BLM: variants seen among roughly 807,000 people sequenced by gnomAD.
BLM encodes BLM RecQ like helicase.
In BLM, 95 loss-of-function variants were observed where a neutral mutation model predicts 135.3. That is an observed-to-expected ratio of 0.70 (90% confidence interval 0.59 to 0.83). The LOEUF is 0.83. Among genes scored for constraint, BLM ranks in the 40% least tolerant of loss-of-function variants. The pLI is 0.00. For synonymous variants in BLM, 520 were observed against 589.2 expected, an observed-to-expected ratio of 0.88 and a Z score of 1.70; for missense variants, 1,518 against 1,663.9, an observed-to-expected ratio of 0.91 and a Z score of 1.53.
rs1038386076 is a variant in BLM at position 90,749,603 on chromosome 15, T to C, written c.335T>C (p.Leu112Ser). The change falls in exon 3 of 22, where the codon TTG becomes TCG. Residue 112 changes from leucine (L) to serine (S), a missense_variant. This residue lies in a region of BLM where 724 missense variants were observed against 756.9 expected (regional missense o/e 0.96). Transcript: ENST00000355112. ...TCAAAATCATTATTGCCAGATTTCT[T>C]GCAGACTCCGAAGGAAGTTGTATGC... ...GGSKSLLPDF[L>S]QTPKEVVCTT... 2 of 1,614,188 alleles carry C rather than the reference T, an allele frequency of 1.2e-6. No individual in the cohort carries two copies. The highest frequency in any genetic ancestry group is 3.3e-5 in the Admixed American group (2 of 60,026).
chr15:90,749,810 G>T lies in BLM; in HGVS notation c.542G>T (p.Ser181Ile), dbSNP rs587779893. The T allele has an allele frequency of 7.1e-5, 114 of 1,602,790 alleles. No homozygotes were observed. Among genetic ancestry groups the T allele is most frequent in the Non-Finnish European group, 9.4e-5 (111 of 1,174,960 alleles). The change falls in exon 3 of 22, where the codon AGC (serine) becomes ATC (isoleucine). Residue 181 changes from serine to isoleucine, a missense_variant. Physicochemically the swap from Ser to Ile is moderately radical, Grantham distance 142. Transcript: ENST00000355112. Reference protein sequence around the residue: ...TPPQSHFVRVSTAQKSKKGKR... With the variant: ...TPPQSHFVRVITAQKSKKGKR... The stretch of plus-strand genomic sequence containing the variant: ...CCCCAAAGTCACTTTGTAAGAGTAA[G>T]CACTGCTCAGAAATCAAAAAAGGGT...
At position 90,803,182 on chromosome 15, in the gene BLM, G is replaced by A. The variant is rs935852397; in HGVS notation, c.3359-339G>A. Among the ~76,000 whole-genome samples the A allele has an allele frequency of 2.7e-5, 4 of 148,516 alleles. No individual in the cohort carries two copies. In the South Asian group the frequency reaches 8.5e-4, roughly 32 times the overall value. ...TGTCTCTAAAAAAAAAAAAAAAAAT[G>A]TAGATAAGTAATGCACAGTTATCCT... On this transcript the variant is annotated intron_variant, in intron 17 of 21. Transcript: ENST00000355112.
chr15:90,778,164 C>A (rs763949382), intron 12 of BLM, among the ~76,000 whole-genome samples: 9 of 152,104 alleles, frequency 5.9e-5, no homozygotes, highest in Admixed American at 2.0e-4. Context: ...ACCCACAGTC[C>A]TTTTGCAGTA....
chr15:90,782,715 C>T, intron 12 of BLM, 107 bp from the exon 13 acceptor site: 3 of 822,150 alleles, frequency 3.6e-6, no homozygotes, highest in Middle Eastern at 6.8e-4. Context: ...CTCCTAATAC[C>T]ATCACACTGG....
intron 1 of BLM, among the ~76,000 whole-genome samples, chr15:90,718,619 T>C (rs1669088107): frequency 6.6e-6 from 1 of 152,242 alleles, no homozygotes; most frequent in South Asian, 2.1e-4. Context: ...GCTTATACTG[T>C]CAGACAGTAG....
At chr15:90,753,871 G>A (rs1480293389) in intron 4 of BLM, among the ~76,000 whole-genome samples, 1 of 152,122 alleles carries the variant, frequency 6.6e-6, no homozygotes, top group Non-Finnish European at 1.5e-5. Flanking sequence ...CAATAACCCA[G>A]TGGTTTTAAT....
chr15:90,801,023 C>T (rs1897153182), intron 17 of BLM, among the ~76,000 whole-genome samples: 1 of 152,062 alleles, frequency 6.6e-6, no homozygotes, highest in Non-Finnish European at 1.5e-5. Context: ...ATGTTGTGCA[C>T]CTGTAATCCC....
intron 12 of BLM, among the ~76,000 whole-genome samples, chr15:90,775,072 G>A (rs1896437731): frequency 6.6e-6 from 1 of 152,208 alleles, no homozygotes; most frequent in Admixed American, 6.5e-5. Context: ...CAGAAAGTTA[G>A]AGGTAGAGCA....
At chr15:90,750,132 G>A in intron 3 of BLM, 65 bp downstream of exon 3, 1 of 1,523,304 alleles carries the variant, frequency 6.6e-7, no homozygotes, top group Non-Finnish European at 9.0e-7. Context: ...GCTAGCCATT[G>A]GGAATAGTCA....
At chr15:90,750,922 G>GT (rs1468279596) in intron 3 of BLM, among the ~76,000 whole-genome samples, 1 of 152,160 alleles carries the variant, frequency 6.6e-6, no homozygotes, top group Admixed American at 6.5e-5. Flanking sequence ...AGATAAGGGG[G>GT]TTGCTGCCGT....
chr15:90,798,339 T>C lies in BLM; in HGVS notation c.3358+2T>C. On this transcript the variant is annotated splice_donor_variant, in intron 17 of 21. Transcript: ENST00000355112. LOFTEE classifies it high-confidence loss of function. ...ATATGCTGGTCGACATTTTCTTGGGTAAGTCATCTGTTTTGAATGTTTGAG... is the reference window on the plus strand; with the variant it reads ...ATATGCTGGTCGACATTTTCTTGGGCAAGTCATCTGTTTTGAATGTTTGAG... 1 of 1,612,668 alleles carries C rather than the reference T, an allele frequency of 6.2e-7. No individual in the cohort carries two copies. Among genetic ancestry groups the C allele is most frequent in the Non-Finnish European group, 8.5e-7 (1 of 1,179,330 alleles).
intron 1 of BLM, among the ~76,000 whole-genome samples, chr15:90,719,941 T>G (rs1044218583): frequency 6.6e-6 from 1 of 152,170 alleles, no homozygotes; most frequent in African/African-American, 2.4e-5. Context: ...ACACATACTA[T>G]TCTACCTCAG....
chr15:90,788,240 A>G (rs529195357), intron 14 of BLM, among the ~76,000 whole-genome samples: 24 of 152,342 alleles, frequency 1.6e-4, no homozygotes, highest in Middle Eastern at 3.4e-3. Flanking sequence ...AAATAAATAC[A>G]TAACAAATAT....
intron 1 of BLM, among the ~76,000 whole-genome samples, chr15:90,724,079 C>T (rs531757256): frequency 2.6e-5 from 4 of 152,158 alleles, no homozygotes; most frequent in South Asian, 4.1e-4. Context: ...GTAGAATGAT[C>T]GTTGCTCACT....
intron 5 of BLM, 150 bp from the exon 6 acceptor site, chr15:90,759,997 C>G: frequency 1.5e-6 from 1 of 660,856 alleles, no homozygotes; most frequent in Middle Eastern, 4.2e-4. Context: ...ACTGTGTTGC[C>G]CAGGCTGGTC....
intron 10 of BLM, among the ~76,000 whole-genome samples, chr15:90,767,287 A>T (rs988015205): frequency 6.6e-6 from 1 of 152,210 alleles, no homozygotes; most frequent in Non-Finnish European, 1.5e-5. Flanking sequence ...AAAACAACGT[A>T]TTCTCTCATA....
At chr15:90,765,805 G>T (rs1419931563) in intron 9 of BLM, among the ~76,000 whole-genome samples, 2 of 152,158 alleles carry the variant, frequency 1.3e-5, no homozygotes, top group Non-Finnish European at 2.9e-5. Context: ...GTAAATGAAT[G>T]CATTCTACTT....
intron 1 of BLM, among the ~76,000 whole-genome samples, chr15:90,746,509 G>A (rs1895505777): frequency 6.6e-6 from 1 of 152,156 alleles, no homozygotes; most frequent in African/African-American, 2.4e-5. Flanking sequence ...GATTTTCACT[G>A]TTATCTAAAG....
chr15:90,769,165 G>A lies in BLM; in HGVS notation c.2340G>A (p.Leu780=), dbSNP rs756031754. ...CAAGTAACAGACTCATTTCTACTCTGGAGAATCTCTATGAGAGGAAGCTCT... is the reference window on the plus strand; with the variant it reads ...CAAGTAACAGACTCATTTCTACTCTAGAGAATCTCTATGAGAGGAAGCTCT... ...ICASNRLIST[L]ENLYERKLLA... The change falls in exon 11 of 22, where the codon CTG becomes CTA. Residue 780 remains leucine, a synonymous_variant. Transcript: ENST00000355112. 2 of 1,613,480 alleles carry A rather than the reference G, an allele frequency of 1.2e-6. No homozygotes were observed. The highest frequency in any genetic ancestry group is 1.3e-5 in the African/African-American group (1 of 74,874).
Sources: allele counts gnomAD v4.1 joint callset (sites outside exome capture counted in the v4.1 genomes callset), GRCh38; gene constraint gnomAD v4.1.1; regional missense constraint gnomAD v4.1.1; transcripts MANE v1.5; gene names NCBI Gene and HGNC (gene_info 2026-07-23, HGNC 2026-07-21).